Variants in EPHA5 observed in about 807,000 individuals in gnomAD.
EPHA5 encodes the protein EPH receptor A5.
In EPHA5, 60 loss-of-function variants were observed where a neutral mutation model predicts 105.0. The ratio of observed to expected loss-of-function variants is 0.57; its 90% CI spans 0.46 to 0.71. The LOEUF (loss-of-function observed/expected upper bound fraction) is 0.71. EPHA5 is among the 30% of genes least tolerant of loss of function. The pLI, the probability that EPHA5 is intolerant of heterozygous loss-of-function variation, is 0.00. For synonymous variants in EPHA5, 513 were observed against 449.1 expected, an observed-to-expected ratio of 1.14 and a Z score of -1.80; for missense variants, 1,218 against 1,274.7, an observed-to-expected ratio of 0.96 and a Z score of 0.68.
intron 5 of EPHA5, among the ~76,000 whole-genome samples, chr4:65,485,570 A>C (rs1730801528): frequency 6.6e-6 from 1 of 152,162 alleles, no homozygotes; most frequent in Admixed American, 6.5e-5. Context: ...TAATGATATA[A>C]TGTTTTGGAA....
At chr4:65,434,508 C>G (rs1251139177) in intron 5 of EPHA5, among the ~76,000 whole-genome samples, 1 of 152,106 alleles carries the variant, frequency 6.6e-6, no homozygotes, top group Admixed American at 6.6e-5. Flanking sequence ...TATCCAAACA[C>G]TTTCCACGGG....
intron 8 of EPHA5, among the ~76,000 whole-genome samples, chr4:65,384,053 C>T (rs779047215): frequency 4.0e-5 from 6 of 151,698 alleles, no homozygotes; most frequent in Non-Finnish European, 8.8e-5. Context: ...AAAGTTCCTG[C>T]CATTAATGAG....
At chr4:65,542,111 TA>T (rs1736899800) in intron 3 of EPHA5, among the ~76,000 whole-genome samples, 1 of 151,704 alleles carries the variant, frequency 6.6e-6, no homozygotes, top group Non-Finnish European at 1.5e-5. Flanking sequence ...TTTACAGCAC[TA>T]AAAGGTTCAC....
intron 3 of EPHA5, among the ~76,000 whole-genome samples, chr4:65,534,211 A>C (rs1053652099): frequency 6.6e-6 from 1 of 152,118 alleles, no homozygotes; most frequent in Non-Finnish European, 1.5e-5. Context: ...TTTTTGGGTA[A>C]AATTGAAAAT....
chr4:65,533,282 A>T (rs1343460667), intron 3 of EPHA5, among the ~76,000 whole-genome samples: 4 of 152,096 alleles, frequency 2.6e-5, no homozygotes, highest in Non-Finnish European at 4.4e-5. Context: ...CATTTGAAAA[A>T]TTTTTGCCAT....
Position 65,331,979 on chromosome 4 carries a change from G to T in EPHA5, c.2939C>A (p.Thr980Asn), listed in dbSNP as rs1159602315. 1.3e-6 allele frequency: 2 copies of T among 1,595,976 alleles called. No individual in the cohort carries two copies. Among genetic ancestry groups the T allele is most frequent in the South Asian group, 1.1e-5 (1 of 88,232 alleles). Reference sequence around the variant, plus strand: ...TATCAGAAAAATTACTCACTCCAAGGTCACCTGAGCCACAGCGTCCATTGA... The same window carrying T: ...TATCAGAAAAATTACTCACTCCAAGTTCACCTGAGCCACAGCGTCCATTGA... ...YSSMDAVAQV[T>N]LEDLRRLGVT... Residue 980 changes from threonine to asparagine, a missense_variant, in exon 16 of 17, where the codon ACC becomes AAC. Physicochemically the swap from Thr to Asn is moderately conservative, Grantham distance 65 (BLOSUM62 0). Transcript: ENST00000613740.
intron 5 of EPHA5, among the ~76,000 whole-genome samples, chr4:65,484,607 G>A (rs6551930): frequency 0.045 from 6,890 of 152,028 alleles, 220 homozygotes; most frequent in African/African-American, 0.091. Flanking sequence ...TGTCTGTTTC[G>A]GCCCAGAATT....
At position 65,643,493 on chromosome 4, in the gene EPHA5, A is replaced by C. The variant is rs1747847233; in HGVS notation, c.182-66T>G. ...ATCATGAATATTGTATCTCTATTTT[A>C]ATAGTGTTATTAAAATTGCATGTTG... On this transcript the variant is annotated intron_variant, in intron 1 of 16. Transcript: ENST00000613740. 11 of 1,318,046 alleles carry C rather than the reference A, an allele frequency of 8.3e-6. No individual in the cohort carries two copies. The Admixed American group carries it at 2.0e-4, about 24-fold the overall frequency. The allele number at this position is 1,318,046 out of a possible 1,614,324, so 81.6% of individuals were successfully genotyped here.
intron 11 of EPHA5, among the ~76,000 whole-genome samples, chr4:65,354,402 C>T (rs1723107858): frequency 6.6e-6 from 1 of 151,566 alleles, no homozygotes; most frequent in South Asian, 2.1e-4. Flanking sequence ...AAAACAGTTG[C>T]TAGTTTTATC....
chr4:65,422,942 C>T (rs537364798), intron 5 of EPHA5, among the ~76,000 whole-genome samples: 2 of 152,004 alleles, frequency 1.3e-5, no homozygotes, highest in African/African-American at 4.8e-5. Flanking sequence ...AGATTATTAT[C>T]AATTAAAGTC....
At chr4:65,524,093 A>AT (rs199518306) in intron 3 of EPHA5, among the ~76,000 whole-genome samples, 10,619 of 151,868 alleles carry the variant, frequency 0.07, 1,283 homozygotes, top group African/African-American at 0.24. Context: ...ACTTCATTAT[A>AT]TTTTTTCTTT....
At chr4:65,503,754 A>G (rs1732722790) in intron 3 of EPHA5, among the ~76,000 whole-genome samples, 1 of 151,790 alleles carries the variant, frequency 6.6e-6, no homozygotes, top group Admixed American at 6.6e-5. Context: ...TTTTCTTACC[A>G]TTGTGTCATT....
chr4:65,605,674 A>C (rs748421815), intron 2 of EPHA5, among the ~76,000 whole-genome samples: 5 of 152,032 alleles, frequency 3.3e-5, no homozygotes, highest in Non-Finnish European at 7.4e-5. Flanking sequence ...TGATCTATTG[A>C]GGCTAAGGTG....
intron 3 of EPHA5, among the ~76,000 whole-genome samples, chr4:65,532,838 CTCTT>C (rs546611955): frequency 8.0e-4 from 121 of 152,088 alleles, no homozygotes; most frequent in Non-Finnish European, 9.6e-4. Context: ...TTTTAATGGT[CTCTT>C]TAAGAGTAAC....
At chr4:65,492,700 G>A (rs968191984) in intron 4 of EPHA5, among the ~76,000 whole-genome samples, 3 of 152,018 alleles carry the variant, frequency 2.0e-5, no homozygotes, top group South Asian at 2.1e-4. Flanking sequence ...ATGGGCATTT[G>A]GATTGTATTT....
chr4:65,327,554 A>T (rs1464893186), intron 16 of EPHA5, among the ~76,000 whole-genome samples: 1 of 151,232 alleles, frequency 6.6e-6, no homozygotes, highest in African/African-American at 2.4e-5. Context: ...TCATTTCAAA[A>T]ACTGTCAAAT....
chr4:65,365,134 T>C lies in EPHA5; in HGVS notation c.2056A>G (p.Lys686Glu). The change falls in exon 11 of 17, where the codon AAA (lysine) becomes GAA (glutamate). Residue 686 changes from lysine to glutamate, a missense_variant. Lys to Glu is a moderately conservative substitution (Grantham distance 56, BLOSUM62 1). Transcript: ENST00000613740. ...PGKRELPVAI[K>E]TLKVGYTEKQ... is the part of the protein sequence containing the mutation. ...TCAGTATAGCCTACTTTAAGGGTTT[T>C]GATAGCCACAGGTAATTCTCTTTTT... 1 of 1,611,782 alleles carries C rather than the reference T, an allele frequency of 6.2e-7. No individual in the cohort carries two copies. Among genetic ancestry groups the C allele is most frequent in the Non-Finnish European group, 8.5e-7 (1 of 1,178,448 alleles).
chr4:65,420,691 A>C, intron 5 of EPHA5, 126 bp from the exon 6 acceptor site: 2 of 880,740 alleles, frequency 2.3e-6, no homozygotes, highest in Non-Finnish European at 3.2e-6. Flanking sequence ...ATTAAATTTT[A>C]GTTTTTCTAT....
intron 5 of EPHA5, among the ~76,000 whole-genome samples, chr4:65,452,067 T>C (rs1404304502): frequency 6.6e-6 from 1 of 152,166 alleles, no homozygotes; most frequent in East Asian, 1.9e-4. Flanking sequence ...CAGTAAATAT[T>C]TTTAAATCAT....
Sources: allele counts gnomAD v4.1 joint callset (sites outside exome capture counted in the v4.1 genomes callset), GRCh38; gene constraint gnomAD v4.1.1; transcripts MANE v1.5; gene names NCBI Gene and HGNC (gene_info 2026-07-23, HGNC 2026-07-21).